The following CCNT2 variants were observed in gnomAD, a reference collection of about 807,000 sequenced individuals.
CCNT2 encodes the protein cyclin-T2.
A neutral mutation model predicts 70.0 loss-of-function variants in CCNT2; 18 were observed. That is an observed-to-expected ratio of 0.26 (90% CI 0.18 to 0.38). The LOEUF (loss-of-function observed/expected upper bound fraction) is 0.38, where lower values mean the gene tolerates loss of function less well. Ranked by LOEUF, CCNT2 falls within the 10% of genes least tolerant of loss-of-function variation. The pLI, the probability that CCNT2 is intolerant of heterozygous loss-of-function variation, is 1.00. For missense variants in CCNT2, 734 were observed against 890.2 expected (o/e 0.82, Z 2.23); for synonymous variants, 334 against 313.3 (o/e 1.07, Z -0.70).
At position 134,954,183 on chromosome 2, in the gene CCNT2, C is replaced by T. The variant is rs1406488790; in HGVS notation, c.1728C>T (p.Ser576=). 1.2e-6 allele frequency: 2 copies of T among 1,614,130 alleles called. No individual in the cohort carries two copies. Among genetic ancestry groups the T allele is most frequent in the Admixed American group, 3.3e-5 (2 of 60,020 alleles). ...SRHHTSSHKH[S]HSHSGSSSGG... ...ACCACACCAGCAGCCACAAGCATTC[C>T]CACTCGCATAGTGGCAGCAGCAGCG... Residue 576 remains serine, a synonymous_variant, in exon 9 of 9, where the codon TCC becomes TCT. Coordinates refer to ENST00000264157, the MANE Select transcript of CCNT2 (RefSeq NM_058241.3).
At chr2:134,929,079 A>T (rs6714007) in intron 2 of CCNT2, among the ~76,000 whole-genome samples, 52,688 of 152,070 alleles carry the variant, frequency 0.35, 9,915 homozygotes, top group Middle Eastern at 0.67. Flanking sequence ...TAATTTTATG[A>T]AACAATTGCT....
intron 2 of CCNT2, among the ~76,000 whole-genome samples, chr2:134,932,065 A>G (rs563046360): frequency 3.4e-4 from 51 of 151,438 alleles, no homozygotes; most frequent in South Asian, 8.4e-4. Flanking sequence ...GCTCGCTGCA[A>G]CCTCCGCCTC....
At position 134,931,586 on chromosome 2, in the gene CCNT2, T is replaced by C. The variant is rs138183385; in HGVS notation, c.241-5255T>C. Among the ~76,000 whole-genome samples the C allele has an allele frequency of 3.0e-3, 451 of 152,270 alleles. 1 individual carries two copies. Among genetic ancestry groups the C allele is most frequent in the African/African-American group, 9.6e-3 (397 of 41,556 alleles). ...AATTTTAGGATCAAGCTCATCAGTTTCTACAAAAGAAGCTGGGATTTTTAT... is the reference window on the plus strand; with the variant it reads ...AATTTTAGGATCAAGCTCATCAGTTCCTACAAAAGAAGCTGGGATTTTTAT... On this transcript the variant is annotated intron_variant, in intron 2 of 8. Transcript: ENST00000264157.
At chr2:134,945,429 T>A (rs1681881465) in intron 5 of CCNT2, 1 of 985,302 alleles carries the variant, frequency 1.0e-6, no homozygotes, top group South Asian at 4.7e-5. Flanking sequence ...AAAAATTGCC[T>A]TTCTGTTGGG....
Position 134,954,067 on chromosome 2 carries a change from T to TA in CCNT2, c.1612_1613insA (p.Ser538TyrfsTer2). ...TTCTTCTTCAGAAAGACACAGCTCT[T>TA]CTGATGAAGGCAGTGGGAAGAGCAA... On this transcript the variant is annotated frameshift_variant, in exon 9 of 9. Coordinates refer to ENST00000264157, the MANE Select transcript of CCNT2 (RefSeq NM_058241.3). LOFTEE classifies it high-confidence loss of function. 6.2e-7 allele frequency: 1 copy of TA among 1,614,088 alleles called. No individual in the cohort carries two copies. The highest frequency in any genetic ancestry group is 8.5e-7 in the Non-Finnish European group (1 of 1,179,986).
chr2:134,953,171 G>A, intron 8 of CCNT2, 59 bp from the exon 9 acceptor site: 1 of 1,221,726 alleles, frequency 8.2e-7, no homozygotes, highest in East Asian at 2.4e-5. Flanking sequence ...TATAAGACAA[G>A]AAATTTGCAT....
chr2:134,952,758 C>G, intron 8 of CCNT2, 47 bp downstream of exon 8: 1 of 1,284,582 alleles, frequency 7.8e-7, no homozygotes, highest in Middle Eastern at 1.8e-4. Context: ...TTTTATGTAA[C>G]ATTTACATAG....
intron 8 of CCNT2, 46 bp downstream of exon 8, chr2:134,952,757 A>G (rs1012591753): frequency 7.7e-7 from 1 of 1,302,410 alleles, no homozygotes; most frequent in South Asian, 1.2e-5. Context: ...CTTTTATGTA[A>G]CATTTACATA....
At chr2:134,926,956 A>G (rs1680341279) in intron 2 of CCNT2, among the ~76,000 whole-genome samples, 2 of 152,196 alleles carry the variant, frequency 1.3e-5, no homozygotes, top group South Asian at 2.1e-4. Flanking sequence ...GTGGGACTTC[A>G]TCTTTCCAGA....
intron 2 of CCNT2, among the ~76,000 whole-genome samples, chr2:134,933,015 C>T (rs1680895113): frequency 6.6e-6 from 1 of 152,248 alleles, no homozygotes; most frequent in East Asian, 1.9e-4. Context: ...AAATAGTTAT[C>T]CTAGTGTTAG....
chr2:134,953,731 A>T lies in CCNT2; in HGVS notation c.1276A>T (p.Thr426Ser). Residue 426 changes from threonine (T) to serine (S), a missense_variant, in exon 9 of 9, where the codon ACT (threonine) becomes TCT (serine). By Grantham distance (58) the Thr-to-Ser change is moderately conservative. Transcript: ENST00000264157. ...SSKHHGPIST[T>S]PGIIPQKMSL... ...TAAACACCATGGGCCAATTTCCACT[A>T]CTCCAGGAATAATTCCTCAGAAAAT... 6.2e-7 allele frequency: 1 copy of T among 1,613,986 alleles called. No homozygotes were observed. Among genetic ancestry groups the T allele is most frequent in the Non-Finnish European group, 8.5e-7 (1 of 1,179,936 alleles).
At chr2:134,931,254 G>A (rs186318283) in intron 2 of CCNT2, among the ~76,000 whole-genome samples, 465 of 59,860 alleles carry the variant, frequency 7.8e-3, no homozygotes, top group Middle Eastern at 0.059. Context: ...AAGCCACCAT[G>A]CCCGGATCTT....
intron 3 of CCNT2, among the ~76,000 whole-genome samples, chr2:134,938,082 GA>G (rs1212207722): frequency 2.0e-5 from 3 of 152,072 alleles, no homozygotes; most frequent in Admixed American, 2.0e-4. Flanking sequence ...GGCTTTAAGG[GA>G]GTAAACTGTT....
At chr2:134,941,759 A>G (rs1681600900) in intron 4 of CCNT2, among the ~76,000 whole-genome samples, 1 of 152,204 alleles carries the variant, frequency 6.6e-6, no homozygotes, top group Admixed American at 6.5e-5. Flanking sequence ...TAATATCCAT[A>G]TTGTTTATGA....
In CCNT2 at chr2:134,930,848, A is replaced by G. The variant is rs75913822; in HGVS notation, c.241-5993A>G. Among the ~76,000 whole-genome samples the G allele has an allele frequency of 1.9e-3, 284 of 152,118 alleles. 1 individual carries two copies. The highest frequency in any genetic ancestry group is 6.6e-3 in the African/African-American group (274 of 41,494). ...AGCATATCTAAGAAACCTTTACCTA[A>G]ACTAGAGTCATAAAGATTTATTTGT... On this transcript the variant is annotated intron_variant, in intron 2 of 8. Coordinates refer to ENST00000264157, the MANE Select transcript of CCNT2 (RefSeq NM_058241.3).
chr2:134,918,832 G>T lies in CCNT2; in HGVS notation c.-23G>T, dbSNP rs751446411. 1.9e-6 allele frequency: 3 copies of T among 1,604,304 alleles called. No individual in the cohort carries two copies. The highest frequency in any genetic ancestry group is 2.2e-5 in the South Asian group (2 of 90,302). On this transcript the variant is annotated 5_prime_UTR_variant, in exon 1 of 9. The change creates a premature stop within an existing upstream ORF in the 5' untranslated region. Coordinates refer to ENST00000264157, the MANE Select transcript of CCNT2 (RefSeq NM_058241.3). ...CAGGAGGGGCGGGGGGTGAATGAAGGAGCGGGCGGAGGAGGAAGTGTCATG... is the reference window on the plus strand; with the variant it reads ...CAGGAGGGGCGGGGGGTGAATGAAGTAGCGGGCGGAGGAGGAAGTGTCATG...
intron 2 of CCNT2, 95 bp from the exon 3 acceptor site, chr2:134,936,746 C>A: frequency 1.8e-6 from 2 of 1,137,670 alleles, no homozygotes; most frequent in Non-Finnish European, 2.4e-6. Flanking sequence ...AGGAGCGAAA[C>A]TCCACCTCAA....
chr2:134,929,430 G>GTC (rs1318657826), intron 2 of CCNT2, among the ~76,000 whole-genome samples: 1 of 151,486 alleles, frequency 6.6e-6, no homozygotes, highest in Non-Finnish European at 1.5e-5. Flanking sequence ...GCGAGACCCT[G>GTC]TCTCTACAAA....
At position 134,955,987 on chromosome 2, in the gene CCNT2, C is replaced by G. The variant is rs1682899550; in HGVS notation, c.*1339C>G. On this transcript the variant is annotated 3_prime_UTR_variant, in exon 9 of 9. Transcript: ENST00000264157. ...GTTGAGGTAAAGTTTGCACAGTCAT[C>G]TGACTTCTGATCAAGCATTAGATTT... 1 of 152,652 alleles carries G rather than the reference C, an allele frequency of 6.6e-6. No individual in the cohort carries two copies. The highest frequency in any genetic ancestry group is 1.5e-5 in the Non-Finnish European group (1 of 68,028). 9.5% of individuals were successfully genotyped at this position (152,652 alleles called of 1,614,324 possible). A position where few individuals can be genotyped will look rare whatever the true frequency, so the allele number is the denominator to read the frequency against.
Sources: gnomAD v4.1 joint callset for allele counts (sites outside exome capture counted in the v4.1 genomes callset) on GRCh38, gnomAD v4.1.1 for gene constraint, MANE v1.5 for transcripts, NCBI Gene and HGNC (gene_info 2026-07-23, HGNC 2026-07-21) for gene names.